Variants in NEK2 observed in about 807,000 individuals in gnomAD.
NEK2 encodes serine/threonine-protein kinase Nek2.
NEK2 carries 28 observed loss-of-function variants against 54.1 expected under a neutral mutation model. That is an observed-to-expected ratio of 0.52 (90% CI 0.38 to 0.71). The LOEUF is 0.71. Ranked by LOEUF, NEK2 falls within the 30% of genes least tolerant of loss-of-function variation. The pLI is 0.00. For missense variants in NEK2, 407 were observed against 531.5 expected (o/e 0.77, Z 2.30); for synonymous variants, 176 against 193.1 (o/e 0.91, Z 0.73).
Position 211,662,894 on chromosome 1 carries a change from A to T in NEK2, c.*532T>A. ...AACATCACAGTGATGAATTTTCACA[A>T]AGCTAACAGATTTGAACTACAGAGC... On this transcript the variant is annotated 3_prime_UTR_variant, in exon 8 of 8. Transcript: ENST00000366999. This position sits in a 1 kb window ranked among gnomAD's most constrained non-coding sequence, Gnocchi z 4.2. 3 of 986,162 alleles carry T rather than the reference A, an allele frequency of 3.0e-6. No individual in the cohort carries two copies. The highest frequency in any genetic ancestry group is 3.6e-6 in the Non-Finnish European group (3 of 830,144). 61.1% of individuals were successfully genotyped at this position (986,162 alleles called of 1,614,324 possible).
intron 6 of NEK2, 32 bp downstream of exon 6, chr1:211,669,081 T>A (rs1234012196): frequency 6.3e-7 from 1 of 1,578,880 alleles, no homozygotes; most frequent in Admixed American, 1.7e-5. Flanking sequence ...ACTTGGTAGT[T>A]CTCCTTTGCT....
At chr1:211,660,625 G>C (rs765925149), downstream of NEK2, 40 of 646,504 alleles carry the variant, frequency 6.2e-5, no homozygotes, top group Non-Finnish European at 9.8e-5. Context: ...CATGGCTGCA[G>C]CTATAGGAAG....
chr1:211,673,803 A>T, intron 2 of NEK2, 80 bp from the exon 3 acceptor site: 1 of 1,305,340 alleles, frequency 7.7e-7, no homozygotes, highest in South Asian at 1.4e-5. Context: ...TATCCAGTGT[A>T]CAAATAGGGA....
At chr1:211,666,782 G>A (rs1214124798) in intron 7 of NEK2, 1 of 612,398 alleles carries the variant, frequency 1.6e-6, no homozygotes, top group African/African-American at 2.0e-5. Flanking sequence ...CTGGGCTACA[G>A]AGTGAGACTC....
At position 211,675,601 on chromosome 1, in the gene NEK2, C is replaced by A; in HGVS notation, c.-122G>T. ...GCCCCCGAGCAGCACTGACCCGCCACCCCTGCCTTGGGCCCCGTTTAACCG... is the reference window on the plus strand; with the variant it reads ...GCCCCCGAGCAGCACTGACCCGCCAACCCTGCCTTGGGCCCCGTTTAACCG... On this transcript the variant is annotated 5_prime_UTR_variant, in exon 1 of 8. Transcript: ENST00000366999. 1.4e-6 allele frequency: 1 copy of A among 728,224 alleles called. No individual in the cohort carries two copies. The highest frequency in any genetic ancestry group is 2.3e-6 in the Non-Finnish European group (1 of 434,628). 45.1% of individuals were successfully genotyped at this position (728,224 alleles called of 1,614,324 possible). A position where few individuals can be genotyped will look rare whatever the true frequency, so the allele number is the denominator to read the frequency against.
chr1:211,671,141 C>T, intron 4 of NEK2, 61 bp downstream of exon 4: 1 of 1,345,210 alleles, frequency 7.4e-7, no homozygotes, highest in Admixed American at 1.7e-5. Context: ...AAAACTGAAC[C>T]CAGTGAAATG....
intron 1 of NEK2, 43 bp downstream of exon 1, chr1:211,675,341 G>A (rs1303062587): frequency 6.3e-7 from 1 of 1,582,066 alleles, no homozygotes; most frequent in Non-Finnish European, 8.7e-7. Flanking sequence ...CCGAGGCGAC[G>A]AAACCTAAGC....
downstream of NEK2, among the ~76,000 whole-genome samples, chr1:211,658,875 T>C (rs940998746): frequency 6.6e-6 from 1 of 152,152 alleles, no homozygotes; most frequent in African/African-American, 2.4e-5. Flanking sequence ...AAGATTCTTT[T>C]GATGAGATCT....
chr1:211,670,681 C>T (rs1655346555), intron 4 of NEK2, among the ~76,000 whole-genome samples: 1 of 152,198 alleles, frequency 6.6e-6, no homozygotes. Flanking sequence ...AAGCACTCCC[C>T]AGCTGTGATA....
chr1:211,673,315 G>A (rs1655458264), intron 3 of NEK2, among the ~76,000 whole-genome samples, 168 bp downstream of exon 3: 1 of 152,142 alleles, frequency 6.6e-6, no homozygotes, highest in African/African-American at 2.4e-5. Context: ...TTAGGAGGCT[G>A]ATGCAGGAGA....
chr1:211,661,200 A>G (rs1655010419), downstream of NEK2: 3 of 728,558 alleles, frequency 4.1e-6, no homozygotes, highest in Non-Finnish European at 5.1e-6. Context: ...GAAGTGCTGA[A>G]TGAAATCCTG....
downstream of NEK2, among the ~76,000 whole-genome samples, chr1:211,659,934 G>T (rs566263792): frequency 2.7e-5 from 4 of 150,940 alleles, no homozygotes; most frequent in South Asian, 2.1e-4. Flanking sequence ...CAATCCTCCT[G>T]CCTCAGCCTC....
intron 3 of NEK2, 103 bp from the exon 4 acceptor site, chr1:211,671,387 T>C (rs1655386837): frequency 1.3e-6 from 1 of 773,218 alleles, no homozygotes; most frequent in African/African-American, 1.8e-5. Flanking sequence ...AAACAGAACC[T>C]CAAAGTTTTT....
rs1655069992 is a variant in NEK2 at position 211,663,370 on chromosome 1, T to C, written c.*56A>G. On this transcript the variant is annotated 3_prime_UTR_variant, in exon 8 of 8. Coordinates refer to ENST00000366999, the MANE Select transcript of NEK2 (RefSeq NM_002497.4). ...CAACACTACAGCATTTGAATATCAGTCTTTAAAGGTTGGTAATATTACATC... is the reference window on the plus strand; with the variant it reads ...CAACACTACAGCATTTGAATATCAGCCTTTAAAGGTTGGTAATATTACATC... 1 of 1,554,240 alleles carries C rather than the reference T, an allele frequency of 6.4e-7. No individual in the cohort carries two copies. Among genetic ancestry groups the C allele is most frequent in the Non-Finnish European group, 8.7e-7 (1 of 1,146,258 alleles).
chr1:211,665,248 T>A (rs1005953646), intron 7 of NEK2, among the ~76,000 whole-genome samples: 1 of 152,200 alleles, frequency 6.6e-6, no homozygotes, highest in African/African-American at 2.4e-5. Context: ...CCCACTGCTA[T>A]GATGCTTATC....
intron 5 of NEK2, among the ~76,000 whole-genome samples, chr1:211,669,683 G>A (rs1655304642): frequency 6.6e-6 from 1 of 152,136 alleles, no homozygotes; most frequent in Non-Finnish European, 1.5e-5. Context: ...ACTACATTTA[G>A]CAAGATACTC....
At chr1:211,664,134 C>G (rs191083494) in intron 7 of NEK2, among the ~76,000 whole-genome samples, 2 of 150,284 alleles carry the variant, frequency 1.3e-5, no homozygotes, top group Admixed American at 1.3e-4. Context: ...TAGTTCAAAG[C>G]ATCTTAATGG....
intron 6 of NEK2, among the ~76,000 whole-genome samples, chr1:211,668,635 TA>T (rs1009296378): frequency 1.3e-5 from 2 of 150,758 alleles, no homozygotes; most frequent in Admixed American, 6.6e-5. Flanking sequence ...AATAAAAAGT[TA>T]AAAAAAAAGA....
chr1:211,663,406 C>T lies in NEK2; in HGVS notation c.*20G>A, dbSNP rs371305053. 1.1e-5 allele frequency: 17 copies of T among 1,599,946 alleles called. No homozygotes were observed. Among genetic ancestry groups the T allele is most frequent in the Admixed American group, 1.7e-5 (1 of 58,060 alleles). ...TGGTAATATTACATCCTGTACACAG[C>T]TCTGTGTCTCTCTACCTGGCTAGCG... On this transcript the variant is annotated 3_prime_UTR_variant, in exon 8 of 8. Transcript: ENST00000366999.
Sources: gnomAD v4.1 joint callset for allele counts (sites outside exome capture counted in the v4.1 genomes callset) on GRCh38, gnomAD v4.1.1 for gene constraint, Gnocchi (gnomAD v3.1) non-coding constraint, MANE v1.5 for transcripts, NCBI Gene and HGNC (gene_info 2026-07-23, HGNC 2026-07-21) for gene names.